PALM2AKAP2: variants seen among roughly 807,000 people sequenced by gnomAD.
PALM2AKAP2 encodes the protein PALM2-AKAP2 fusion protein.
Under a neutral mutation model 71.5 loss-of-function variants are expected in PALM2AKAP2, and 37 were observed. The ratio of observed to expected loss-of-function variants is 0.52; its 90% CI spans 0.40 to 0.68. PALM2AKAP2 has a LOEUF of 0.68. Ranked by LOEUF, PALM2AKAP2 falls within the 30% of genes least tolerant of loss-of-function variation. The pLI, the probability that PALM2AKAP2 is intolerant of heterozygous loss-of-function variation, is 0.00. For synonymous variants in PALM2AKAP2, 468 were observed against 478.8 expected (o/e 0.98, Z 0.29); for missense variants, 1,224 against 1,191.8 (o/e 1.03, Z -0.40).
intron 1 of PALM2AKAP2, among the ~76,000 whole-genome samples, chr9:109,693,329 T>C (rs1463071525): frequency 6.6e-6 from 1 of 151,988 alleles, no homozygotes; most frequent in Admixed American, 6.6e-5. Context: ...CTTTCACTGC[T>C]AATATTGGTA....
intron 1 of PALM2AKAP2, among the ~76,000 whole-genome samples, chr9:109,817,320 A>G (rs1827878985): frequency 1.3e-5 from 2 of 152,204 alleles, no homozygotes; most frequent in Non-Finnish European, 2.9e-5. Flanking sequence ...ATGTCCTACT[A>G]TCTGTGATAC....
intron 1 of PALM2AKAP2, among the ~76,000 whole-genome samples, chr9:109,841,677 A>G (rs896686403): frequency 1.6e-3 from 1 of 644 alleles, no homozygotes; most frequent in Non-Finnish European, 3.1e-3. Flanking sequence ...GGGGGATGGA[A>G]GGGAGGGTGG....
At chr9:110,023,627 C>T (rs1342688008) in intron 7 of PALM2AKAP2, among the ~76,000 whole-genome samples, 1 of 151,760 alleles carries the variant, frequency 6.6e-6, no homozygotes, top group South Asian at 2.1e-4. Flanking sequence ...GTGGCACTTT[C>T]TAACAAGCAT....
chr9:110,091,614 C>T (rs1487749329), intron 1 of PALM2AKAP2, among the ~76,000 whole-genome samples: 13 of 151,724 alleles, frequency 8.6e-5, no homozygotes, highest in Non-Finnish European at 2.9e-5. Context: ...AGGCGCCTGC[C>T]TCCACACCCG....
chr9:109,695,351 T>C (rs919449155), intron 1 of PALM2AKAP2, among the ~76,000 whole-genome samples: 3 of 152,178 alleles, frequency 2.0e-5, no homozygotes, highest in African/African-American at 7.2e-5. Context: ...GGCAGTTCTA[T>C]TTTTAGTTTT....
At chr9:109,798,364 C>T (rs1414933526) in intron 1 of PALM2AKAP2, among the ~76,000 whole-genome samples, 1 of 152,162 alleles carries the variant, frequency 6.6e-6, no homozygotes, top group South Asian at 2.1e-4. Context: ...GATGGTCAAG[C>T]GTACCCTACT....
At chr9:109,730,937 T>A (rs758081124) in intron 1 of PALM2AKAP2, among the ~76,000 whole-genome samples, 1 of 152,136 alleles carries the variant, frequency 6.6e-6, no homozygotes, top group Non-Finnish European at 1.5e-5. Flanking sequence ...ACATCCCTTA[T>A]ACTAATTAAC....
chr9:109,968,429 C>A (rs1379403482), intron 6 of PALM2AKAP2, among the ~76,000 whole-genome samples: 1 of 152,126 alleles, frequency 6.6e-6, no homozygotes, highest in Non-Finnish European at 1.5e-5. Context: ...CTGTTTATAG[C>A]CCAAACTGAG....
chr9:109,770,707 G>A (rs1829246753), intron 1 of PALM2AKAP2, among the ~76,000 whole-genome samples: 1 of 152,140 alleles, frequency 6.6e-6, no homozygotes, highest in South Asian at 2.1e-4. Context: ...ACTGGTGCTG[G>A]GCTGAACATG....
intron 3 of PALM2AKAP2, among the ~76,000 whole-genome samples, chr9:109,923,345 G>A (rs1230405389): frequency 1.3e-5 from 2 of 152,204 alleles, no homozygotes; most frequent in Non-Finnish European, 2.9e-5. Flanking sequence ...TGACCAACCT[G>A]AGAGAGCACT....
intron 1 of PALM2AKAP2, among the ~76,000 whole-genome samples, chr9:109,826,676 G>T (rs1421242118): frequency 6.6e-6 from 1 of 152,176 alleles, no homozygotes; most frequent in Non-Finnish European, 1.5e-5. Flanking sequence ...AGCAAAGGGG[G>T]AATGAGGAGA....
intron 3 of PALM2AKAP2, among the ~76,000 whole-genome samples, chr9:109,888,853 C>G (rs1413181429): frequency 6.6e-6 from 1 of 151,852 alleles, no homozygotes; most frequent in East Asian, 1.9e-4. Context: ...TTGAGTATTG[C>G]AAGATGTTTA....
chr9:110,075,720 T>C (rs981537114), intron 1 of PALM2AKAP2, among the ~76,000 whole-genome samples: 1 of 151,862 alleles, frequency 6.6e-6, no homozygotes, highest in Non-Finnish European at 1.5e-5. Flanking sequence ...TTTTCCCATG[T>C]AGCAAAATTT....
At chr9:109,661,705 T>C (rs1459030842) in intron 1 of PALM2AKAP2, among the ~76,000 whole-genome samples, 1 of 152,174 alleles carries the variant, frequency 6.6e-6, no homozygotes, top group East Asian at 1.9e-4. Context: ...GTGAAGAAAG[T>C]CATTGGTAGC....
chr9:109,915,010 C>A (rs1357289492), intron 3 of PALM2AKAP2, among the ~76,000 whole-genome samples: 1 of 152,206 alleles, frequency 6.6e-6, no homozygotes, highest in East Asian at 1.9e-4. Context: ...CTTTCTACCA[C>A]CTCCTACTGC....
At chr9:109,975,358 G>T (rs562520076) in intron 6 of PALM2AKAP2, among the ~76,000 whole-genome samples, 1 of 152,308 alleles carries the variant, frequency 6.6e-6, no homozygotes, top group South Asian at 2.1e-4. Context: ...AGGTTAAGCG[G>T]AGAGAGAAAG....
chr9:110,089,818 T>A (rs892053090), intron 1 of PALM2AKAP2, among the ~76,000 whole-genome samples: 4 of 152,202 alleles, frequency 2.6e-5, no homozygotes, highest in Non-Finnish European at 5.9e-5. Flanking sequence ...TGACTCTTCC[T>A]TATCGTGGAG....
At chr9:110,125,415 T>C in intron 1 of PALM2AKAP2, 2 of 853,894 alleles carry the variant, frequency 2.3e-6, no homozygotes, top group Non-Finnish European at 2.8e-6. Context: ...CGAAGGAGGT[T>C]AAAGTCCTTC....
intron 1 of PALM2AKAP2, among the ~76,000 whole-genome samples, chr9:109,722,433 A>G (rs1389993707): frequency 1.3e-5 from 2 of 152,176 alleles, no homozygotes; most frequent in Non-Finnish European, 2.9e-5. Flanking sequence ...ATAATATGCT[A>G]TGGGGACTTT....
Sources: allele counts gnomAD v4.1 joint callset (sites outside exome capture counted in the v4.1 genomes callset), GRCh38; gene constraint gnomAD v4.1.1; transcripts MANE v1.5; gene names NCBI Gene and HGNC (gene_info 2026-07-23, HGNC 2026-07-21).